GSN: variants seen among roughly 807,000 people sequenced by gnomAD.
GSN encodes the protein actin-depolymerizing factor.
In GSN, 56 loss-of-function variants were observed where a neutral mutation model predicts 85.7. The ratio of observed to expected loss-of-function variants is 0.65; its 90% CI spans 0.53 to 0.82. The LOEUF (loss-of-function observed/expected upper bound fraction) is 0.82, where lower values mean the gene tolerates loss of function less well. Ranked by LOEUF, GSN falls within the 40% of genes least tolerant of loss-of-function variation. The pLI, the probability that GSN is intolerant of heterozygous loss-of-function variation, is 0.00. For missense variants in GSN, 857 were observed against 979.8 expected (o/e 0.87, Z 1.67); for synonymous variants, 373 against 399.1 (o/e 0.93, Z 0.78).
rs982684753 is a variant in GSN, at chr9:121,303,540, T to G, written c.351+475T>G. Among the ~76,000 whole-genome samples the G allele has an allele frequency of 4.6e-5, 7 of 152,174 alleles. No individual in the cohort carries two copies. In the South Asian group the frequency reaches 6.2e-4, roughly 13 times the overall value. ...CCCTTTGAACTTGAACTCTTCAGAG[T>G]CTGGATCAAGACAGAGCTCTTTTCC... On this transcript the variant is annotated intron_variant, in intron 4 of 17. Transcript: ENST00000432226.
chr9:121,251,443 C>G (rs551354651), intron 6 of GSN, among the ~76,000 whole-genome samples: 3 of 151,724 alleles, frequency 2.0e-5, no homozygotes, highest in African/African-American at 7.3e-5. Flanking sequence ...GTGATCCACC[C>G]AACTCGGCCT....
chr9:121,282,054 C>A, intron 2 of GSN: 1 of 474,158 alleles, frequency 2.1e-6, no homozygotes, highest in Non-Finnish European at 4.3e-6. Flanking sequence ...GAGTCATGCC[C>A]GCTGGGGCCA....
Position 121,329,192 on chromosome 9 carries a change from C to G in GSN, c.1888-46C>G, listed in dbSNP as rs762497301. ...AGGGGGCAGATAAAGGAAGGCCACC[C>G]AGGGGAGGGAAGACATCTCACTGAT... On this transcript the variant is annotated intron_variant, in intron 15 of 17. Coordinates refer to ENST00000432226, the MANE Select transcript of GSN (RefSeq NM_198252.3). The surrounding 1 kb of genome is among the most constrained non-coding windows in gnomAD (Gnocchi z 4.6). The G allele has an allele frequency of 1.9e-5, 28 of 1,507,824 alleles. No individual in the cohort carries two copies. The highest frequency in any genetic ancestry group is 2.7e-5 in the African/African-American group (2 of 72,818). The allele number at this position is 1,507,824 out of a possible 1,614,324, so 93.4% of individuals were successfully genotyped here.
intron 6 of GSN, among the ~76,000 whole-genome samples, chr9:121,262,098 C>T (rs908503480): frequency 5.4e-4 from 83 of 152,308 alleles, no homozygotes; most frequent in Non-Finnish European, 1.6e-4. Context: ...AAAGAAACAA[C>T]GAGCTGTAGT....
intron 4 of GSN, among the ~76,000 whole-genome samples, chr9:121,211,810 TCC>T (rs951632290): frequency 1.3e-5 from 2 of 152,048 alleles, no homozygotes; most frequent in Non-Finnish European, 2.9e-5. Context: ...AATAACCACC[TCC>T]CCACCAAAAG....
intron 2 of GSN, among the ~76,000 whole-genome samples, chr9:121,298,429 C>G (rs1317501778): frequency 3.3e-5 from 5 of 152,184 alleles, no homozygotes; most frequent in African/African-American, 1.2e-4. Flanking sequence ...CATATCCCCC[C>G]TTAGGTGGGA....
intron 4 of GSN, among the ~76,000 whole-genome samples, chr9:121,217,623 T>A (rs1159225723): frequency 6.6e-6 from 1 of 151,936 alleles, no homozygotes; most frequent in Non-Finnish European, 1.5e-5. Flanking sequence ...CATTTTAATT[T>A]AATTACCTCA....
In GSN at chr9:121,318,674, C is replaced by T; in HGVS notation, c.985C>T (p.Leu329Phe). The change falls in exon 10 of 18, where the codon CTT becomes TTT. Residue 329 changes from leucine (L) to phenylalanine (F), a missense_variant. Coordinates refer to ENST00000432226, the MANE Select transcript of GSN (RefSeq NM_198252.3). This position sits in a 1 kb window ranked among gnomAD's most constrained non-coding sequence, Gnocchi z 4.3. ...DYPKQTQVSV[L>F]PEGGETPLFK... Reference sequence around the variant, plus strand: ...TGCCTCCCCTCCCCAGGTCTCGGTCCTTCCTGAGGGCGGTGAGACCCCACT... The same window carrying T: ...TGCCTCCCCTCCCCAGGTCTCGGTCTTTCCTGAGGGCGGTGAGACCCCACT... 6.2e-7 allele frequency: 1 copy of T among 1,612,562 alleles called. No individual in the cohort carries two copies. Among genetic ancestry groups the T allele is most frequent in the South Asian group, 1.1e-5 (1 of 91,066 alleles).
chr9:121,288,077 C>T (rs1257275034), intron 2 of GSN, among the ~76,000 whole-genome samples: 1 of 152,184 alleles, frequency 6.6e-6, no homozygotes, highest in African/African-American at 2.4e-5. Context: ...CAGGCACACA[C>T]CATCATGCCT....
chr9:121,331,499 G>A (rs1389955918), intron 17 of GSN, 51 bp downstream of exon 17: 1 of 1,059,326 alleles, frequency 9.4e-7, no homozygotes, highest in African/African-American at 1.6e-5. Flanking sequence ...TGCTTGTGGG[G>A]TGCTGGGAGT....
chr9:121,234,041 T>A (rs1031701533), intron 5 of GSN, among the ~76,000 whole-genome samples: 3 of 152,212 alleles, frequency 2.0e-5, no homozygotes, highest in African/African-American at 7.2e-5. Flanking sequence ...GCTTTTTTTA[T>A]GCAATGCATG....
chr9:121,315,212 T>C (rs1034268451), intron 7 of GSN, among the ~76,000 whole-genome samples: 7 of 152,172 alleles, frequency 4.6e-5, no homozygotes, highest in African/African-American at 1.7e-4. Flanking sequence ...TGTGTGGTCT[T>C]TTTTCCACTC....
chr9:121,331,246 T>C, intron 16 of GSN, 142 bp from the exon 17 acceptor site: 1 of 661,310 alleles, frequency 1.5e-6, no homozygotes, highest in Non-Finnish European at 2.8e-6. Context: ...CTGTTCCAAA[T>C]CCTTCCAGTC....
At chr9:121,316,951 A>G in intron 7 of GSN, 135 bp from the exon 8 acceptor site, 1 of 1,102,616 alleles carries the variant, frequency 9.1e-7, no homozygotes, top group Non-Finnish European at 1.4e-6. Context: ...AGAACCTCTA[A>G]ATGTGTGCGA....
intron 2 of GSN, among the ~76,000 whole-genome samples, chr9:121,287,659 A>T (rs879796014): frequency 2.0e-5 from 3 of 150,758 alleles, no homozygotes; most frequent in Non-Finnish European, 4.4e-5. Context: ...CTTTGGCAGA[A>T]TAGTACACAG....
At chr9:121,290,585 T>C (rs2058589082) in intron 2 of GSN, among the ~76,000 whole-genome samples, 1 of 152,226 alleles carries the variant, frequency 6.6e-6, no homozygotes, top group African/African-American at 2.4e-5. Flanking sequence ...TTAAGGTATA[T>C]AACGCGATGT....
intron 2 of GSN, among the ~76,000 whole-genome samples, chr9:121,296,577 A>G (rs1171558050): frequency 2.0e-5 from 3 of 152,178 alleles, no homozygotes; most frequent in Non-Finnish European, 4.4e-5. Flanking sequence ...TATTTTGCAT[A>G]TGAAGACACT....
At chr9:121,254,450 C>T (rs2054906808) in intron 6 of GSN, among the ~76,000 whole-genome samples, 1 of 152,194 alleles carries the variant, frequency 6.6e-6, no homozygotes, top group South Asian at 2.1e-4. Context: ...TTCCTGCTCC[C>T]TCAGACTCCT....
chr9:121,255,085 A>C (rs2054923819), intron 6 of GSN, among the ~76,000 whole-genome samples: 2 of 152,074 alleles, frequency 1.3e-5, no homozygotes, highest in Non-Finnish European at 1.5e-5. Flanking sequence ...AGTAGCTGGG[A>C]CTACAGGCGC....
Sources: gnomAD v4.1 joint callset for allele counts (sites outside exome capture counted in the v4.1 genomes callset) on GRCh38, gnomAD v4.1.1 for gene constraint, Gnocchi (gnomAD v3.1) non-coding constraint, MANE v1.5 for transcripts, NCBI Gene and HGNC (gene_info 2026-07-23, HGNC 2026-07-21) for gene names.